The following UBE2D2 variants were observed in gnomAD, a reference collection of about 807,000 sequenced individuals.
UBE2D2 encodes ubiquitin-conjugating enzyme E2 D2.
UBE2D2 carries 2 observed loss-of-function variants against 24.2 expected under a neutral mutation model. The observed-to-expected ratio is 0.08, with a 90% CI of 0.03 to 0.26. The LOEUF is 0.26. UBE2D2 is among the 10% of genes least tolerant of loss of function. The pLI is 1.00. For synonymous variants in UBE2D2, 58 were observed against 56.5 expected (o/e 1.03, Z -0.12); for missense variants, 44 against 177.6 (o/e 0.25, Z 4.28).
Position 139,561,750 on chromosome 5 carries a change from C to G in UBE2D2, c.-42C>G. ...AGCCCCTTCCCCGTCCCTTCCCCGCCCCCGTCCCCGCCCCGGGGGCCGCCG... is the reference window on the plus strand; with the variant it reads ...AGCCCCTTCCCCGTCCCTTCCCCGCGCCCGTCCCCGCCCCGGGGGCCGCCG... On this transcript the variant is annotated 5_prime_UTR_variant, in exon 1 of 7. Transcript: ENST00000398733. 1 of 1,436,440 alleles carries G rather than the reference C, an allele frequency of 7.0e-7. No individual in the cohort carries two copies. Among genetic ancestry groups the G allele is most frequent in the South Asian group, 1.3e-5 (1 of 75,446 alleles). The allele number at this position is 1,436,440 out of a possible 1,614,324, so 89.0% of individuals were successfully genotyped here. A position where few individuals can be genotyped will look rare whatever the true frequency, so the allele number is the denominator to read the frequency against.
At chr5:139,529,774 T>C (rs955784234) in intron 1 of UBE2D2, among the ~76,000 whole-genome samples, 4 of 152,172 alleles carry the variant, frequency 2.6e-5, no homozygotes, top group African/African-American at 7.2e-5. Flanking sequence ...TTTCTACCAG[T>C]ATTTCAGTAT....
At chr5:139,538,117 C>T (rs754589400) in intron 1 of UBE2D2, among the ~76,000 whole-genome samples, 1 of 151,988 alleles carries the variant, frequency 6.6e-6, no homozygotes, top group South Asian at 2.1e-4. Context: ...ACTGCAACCC[C>T]GCCTCCTGGG....
intron 1 of UBE2D2, among the ~76,000 whole-genome samples, chr5:139,539,179 C>T (rs1040318633): frequency 1.3e-5 from 2 of 151,872 alleles, no homozygotes; most frequent in African/African-American, 4.8e-5. Context: ...CGCCCACCAC[C>T]ACGACCAGCT....
chr5:139,574,901 T>C (rs1267296252), intron 1 of UBE2D2, among the ~76,000 whole-genome samples: 2 of 152,138 alleles, frequency 1.3e-5, no homozygotes, highest in African/African-American at 4.8e-5. Context: ...GTTTAGCATT[T>C]TGGACTACAT....
At chr5:139,541,067 G>A (rs1051761816) in intron 1 of UBE2D2, among the ~76,000 whole-genome samples, 7 of 152,182 alleles carry the variant, frequency 4.6e-5, no homozygotes, top group South Asian at 2.1e-4. Context: ...GGAGGCTAAG[G>A]CGGGTGGATT....
At chr5:139,581,158 G>T (rs1015659198) in intron 1 of UBE2D2, among the ~76,000 whole-genome samples, 7 of 152,102 alleles carry the variant, frequency 4.6e-5, no homozygotes, top group South Asian at 2.1e-4. Flanking sequence ...AGTTAATTAA[G>T]AAAAAGTAGA....
intron 1 of UBE2D2, among the ~76,000 whole-genome samples, chr5:139,568,493 A>G (rs1022580748): frequency 2.6e-5 from 4 of 150,970 alleles, no homozygotes; most frequent in Non-Finnish European, 5.9e-5. Context: ...CCCCATCTCT[A>G]CTAAAAATAC....
upstream of UBE2D2, among the ~76,000 whole-genome samples, chr5:139,556,435 A>C (rs906827958): frequency 6.6e-6 from 1 of 152,104 alleles, no homozygotes; most frequent in African/African-American, 2.4e-5. Flanking sequence ...ATAAACTTAA[A>C]AAAAAAAGGA....
chr5:139,575,891 G>A (rs1369294036), intron 1 of UBE2D2, among the ~76,000 whole-genome samples: 5 of 152,166 alleles, frequency 3.3e-5, no homozygotes, highest in Admixed American at 6.5e-5. Flanking sequence ...GGTGGCACAC[G>A]CCTGTAGTCA....
chr5:139,526,755 T>A (rs917363898), intron 1 of UBE2D2: 1 of 152,172 alleles, frequency 6.6e-6, no homozygotes, highest in African/African-American at 2.4e-5. Context: ...CTTGCCCCAC[T>A]CCATCTGAGT....
At chr5:139,621,524 A>G (rs920150782) in intron 5 of UBE2D2, among the ~76,000 whole-genome samples, 3 of 152,258 alleles carry the variant, frequency 2.0e-5, no homozygotes, top group African/African-American at 7.2e-5. Context: ...AAAATTAAAC[A>G]AAACAATTGT....
At chr5:139,565,670 CTGTGT>C (rs1753200167) in intron 1 of UBE2D2, among the ~76,000 whole-genome samples, 1 of 152,152 alleles carries the variant, frequency 6.6e-6, no homozygotes, top group South Asian at 2.1e-4. Flanking sequence ...GCTCTGTGAA[CTGTGT>C]GGTTTCCTTG....
chr5:139,557,852 A>G (rs1753003036), upstream of UBE2D2, among the ~76,000 whole-genome samples: 1 of 152,108 alleles, frequency 6.6e-6, no homozygotes, highest in Non-Finnish European at 1.5e-5. Flanking sequence ...ATCCTAAGGC[A>G]CTCTTAGAGC....
At chr5:139,582,205 C>T (rs1439321978) in intron 1 of UBE2D2, among the ~76,000 whole-genome samples, 1 of 151,804 alleles carries the variant, frequency 6.6e-6, no homozygotes, top group East Asian at 1.9e-4. Flanking sequence ...TGTTGAACTC[C>T]TGGACTCAAG....
intron 5 of UBE2D2, among the ~76,000 whole-genome samples, chr5:139,620,365 G>A (rs1754493575): frequency 6.6e-6 from 1 of 152,194 alleles, no homozygotes; most frequent in African/African-American, 2.4e-5. Flanking sequence ...GTCCTTTAAA[G>A]TTGACTTATT....
intron 1 of UBE2D2, among the ~76,000 whole-genome samples, chr5:139,528,378 C>T (rs1752562769): frequency 2.0e-5 from 3 of 152,198 alleles, no homozygotes; most frequent in Admixed American, 6.5e-5. Flanking sequence ...GGCCCCAGCC[C>T]TGAGGCTACC....
intron 2 of UBE2D2, among the ~76,000 whole-genome samples, chr5:139,606,633 T>C (rs966429867): frequency 6.6e-6 from 1 of 152,240 alleles, no homozygotes; most frequent in Non-Finnish European, 1.5e-5. Flanking sequence ...TTTTTTACTA[T>C]CAAAACTTTT....
intron 1 of UBE2D2, among the ~76,000 whole-genome samples, chr5:139,548,192 AAAAATAAAT>A (rs1752862419): frequency 1.9e-5 from 1 of 52,112 alleles, no homozygotes; most frequent in Non-Finnish European, 3.2e-5. Context: ...AATAAAAAAA[AAAAATAAAT>A]AAATAAATAA....
At chr5:139,587,824 C>T (rs1753763956) in intron 1 of UBE2D2, among the ~76,000 whole-genome samples, 2 of 152,086 alleles carry the variant, frequency 1.3e-5, no homozygotes, top group South Asian at 4.1e-4. Flanking sequence ...ATATCCAGAT[C>T]ATTGTCCCTC....
Sources: gnomAD v4.1 joint callset for allele counts (sites outside exome capture counted in the v4.1 genomes callset) on GRCh38, gnomAD v4.1.1 for gene constraint, MANE v1.5 for transcripts, NCBI Gene and HGNC (gene_info 2026-07-23, HGNC 2026-07-21) for gene names.